Variants in SAXO1 observed in about 807,000 individuals in gnomAD.
The protein encoded by SAXO1 is stabilizer of axonemal microtubules 1.
A neutral mutation model predicts 17.5 loss-of-function variants in SAXO1; 21 were observed. The observed-to-expected ratio is 1.20, with a 90% CI of 0.85 to 1.72. SAXO1 has a LOEUF of 1.72. SAXO1 is among the 40% of genes most tolerant of loss of function. The pLI is 0.00. For synonymous variants in SAXO1, 274 were observed against 216.5 expected, an observed-to-expected ratio of 1.27 and a Z score of -2.33; for missense variants, 843 against 596.0, an observed-to-expected ratio of 1.41 and a Z score of -4.32.
intron 1 of SAXO1, among the ~76,000 whole-genome samples, chr9:18,998,850 C>G (rs1834124206): frequency 6.6e-6 from 1 of 152,206 alleles, no homozygotes; most frequent in Non-Finnish European, 1.5e-5. Flanking sequence ...CATATCCAGC[C>G]AAACTAACCT....
intron 3 of SAXO1, among the ~76,000 whole-genome samples, chr9:18,934,952 G>A (rs1238429893): frequency 6.6e-6 from 1 of 152,006 alleles, no homozygotes; most frequent in East Asian, 1.9e-4. Context: ...TTGAGATGGT[G>A]TCTTGCTCTT....
rs780489508 is a variant in SAXO1 at position 19,019,057 on chromosome 9, C to T, written c.38+13814G>A. Among the ~76,000 whole-genome samples, 48 of 151,512 alleles carry T rather than the reference C, an allele frequency of 3.2e-4. 1 individual carries two copies. The highest frequency in any genetic ancestry group is 7.2e-4 in the Admixed American group (11 of 15,202). ...TTGGAAGGTGGAGGTTGCAGTGAGC[C>T]GAGATCATGCCATTGCACTCCAGCC... On this transcript the variant is annotated intron_variant, in intron 1 of 3. Coordinates refer to ENST00000380534, the MANE Select transcript of SAXO1 (RefSeq NM_153707.4).
chr9:18,962,093 G>A (rs777560652), intron 1 of SAXO1, among the ~76,000 whole-genome samples: 1 of 152,010 alleles, frequency 6.6e-6, no homozygotes, highest in Non-Finnish European at 1.5e-5. Flanking sequence ...TTAAGATGGA[G>A]TTTTGCTCTT....
intron 2 of SAXO1, among the ~76,000 whole-genome samples, chr9:18,942,658 G>A (rs1467019949): frequency 6.6e-6 from 1 of 152,082 alleles, no homozygotes. Flanking sequence ...CAATAGGATC[G>A]AAAAAGTATA....
At chr9:18,952,344 G>A (rs1365101524) in intron 1 of SAXO1, among the ~76,000 whole-genome samples, 1 of 152,178 alleles carries the variant, frequency 6.6e-6, no homozygotes, top group East Asian at 1.9e-4. Context: ...AGTACATGGG[G>A]GAAGGGAGAT....
intron 1 of SAXO1, among the ~76,000 whole-genome samples, chr9:18,963,834 T>C (rs937236151): frequency 1.3e-5 from 2 of 152,198 alleles, no homozygotes; most frequent in African/African-American, 2.4e-5. Flanking sequence ...CTGTGTTGAA[T>C]AGGAGTGGTG....
chr9:18,961,693 T>G (rs1481137437), intron 1 of SAXO1, among the ~76,000 whole-genome samples: 2 of 152,228 alleles, frequency 1.3e-5, no homozygotes, highest in Admixed American at 6.5e-5. Context: ...CTGCACAGTA[T>G]TCCATGGTGT....
intron 1 of SAXO1, among the ~76,000 whole-genome samples, chr9:19,044,285 G>T (rs571195566): frequency 6.6e-6 from 1 of 152,150 alleles, no homozygotes; most frequent in South Asian, 2.1e-4. Flanking sequence ...CACCTACTAT[G>T]TACCCACAAA....
chr9:18,972,430 C>G (rs1386832713), intron 1 of SAXO1, among the ~76,000 whole-genome samples: 6 of 152,182 alleles, frequency 3.9e-5, no homozygotes, highest in African/African-American at 1.4e-4. Flanking sequence ...TGCACCAATA[C>G]ATTTGTACAC....
chr9:18,989,546 T>C (rs898591006), intron 1 of SAXO1, among the ~76,000 whole-genome samples: 1 of 135,574 alleles, frequency 7.4e-6, no homozygotes, highest in Non-Finnish European at 1.6e-5. Flanking sequence ...TTTACTTTTT[T>C]AGCCATTATG....
intron 1 of SAXO1, among the ~76,000 whole-genome samples, chr9:18,999,166 G>T (rs1834139196): frequency 6.6e-6 from 1 of 152,314 alleles, no homozygotes; most frequent in Non-Finnish European, 1.5e-5. Flanking sequence ...CTGGCAAATT[G>T]GATAAAGAGT....
intron 1 of SAXO1, among the ~76,000 whole-genome samples, chr9:18,977,094 G>A (rs182988659): frequency 1.3e-5 from 2 of 152,306 alleles, no homozygotes; most frequent in East Asian, 3.9e-4. Context: ...TATAACCACT[G>A]AAACATCCCT....
chr9:18,982,094 A>C (rs1453019360), intron 1 of SAXO1, among the ~76,000 whole-genome samples: 2 of 152,190 alleles, frequency 1.3e-5, no homozygotes, highest in Non-Finnish European at 2.9e-5. Context: ...TGAGAACCTT[A>C]GATCTTCATT....
intron 1 of SAXO1, among the ~76,000 whole-genome samples, chr9:18,984,062 T>C (rs1833498265): frequency 6.6e-6 from 1 of 152,214 alleles, no homozygotes; most frequent in African/African-American, 2.4e-5. Flanking sequence ...CCATCAGAGC[T>C]CTTGGGTGAC....
At chr9:19,026,991 AGT>A in intron 1 of SAXO1, 2 of 899,784 alleles carry the variant, frequency 2.2e-6, no homozygotes, top group Non-Finnish European at 1.9e-6. Context: ...GCTTCTGGAC[AGT>A]GAGATCAAGA....
chr9:19,018,513 A>C (rs138060064), intron 1 of SAXO1, among the ~76,000 whole-genome samples: 4 of 152,236 alleles, frequency 2.6e-5, no homozygotes, highest in Non-Finnish European at 4.4e-5. Flanking sequence ...GTGTTTCAAA[A>C]GTCAATACAC....
chr9:19,028,218 A>T, intron 1 of SAXO1: 1 of 1,015,374 alleles, frequency 9.8e-7, no homozygotes. Flanking sequence ...AACAAAAAAA[A>T]TACAAAAATT....
At chr9:19,026,471 G>C (rs1835474826) in intron 1 of SAXO1, among the ~76,000 whole-genome samples, 1 of 152,128 alleles carries the variant, frequency 6.6e-6, no homozygotes, top group Non-Finnish European at 1.5e-5. Flanking sequence ...AGCTTTAAAA[G>C]TCTGATTAAC....
intron 1 of SAXO1, among the ~76,000 whole-genome samples, chr9:18,997,581 T>A (rs186816000): frequency 2.8e-4 from 42 of 152,360 alleles, no homozygotes; most frequent in African/African-American, 9.6e-4. Flanking sequence ...GGCTTAAATG[T>A]CCCTGCCAGA....
Sources: allele counts gnomAD v4.1 joint callset (sites outside exome capture counted in the v4.1 genomes callset), GRCh38; gene constraint gnomAD v4.1.1; transcripts MANE v1.5; gene names NCBI Gene and HGNC (gene_info 2026-07-23, HGNC 2026-07-21).